The following SUN1 variants were observed in gnomAD, a reference collection of about 807,000 sequenced individuals.
SUN1 encodes SUN domain-containing protein 1.
SUN1 carries 61 observed loss-of-function variants against 103.2 expected under a neutral mutation model. The ratio of observed to expected loss-of-function variants is 0.59; its 90% CI spans 0.48 to 0.73. SUN1 has a LOEUF of 0.73. Among genes scored for constraint, SUN1 ranks in the 30% least tolerant of loss-of-function variants. The pLI is 0.00. For synonymous variants in SUN1, 490 were observed against 425.7 expected (o/e 1.15, Z -1.86); for missense variants, 1,052 against 1,034.6 (o/e 1.02, Z -0.23).
intron 3 of SUN1, chr7:842,414 C>G (rs1342629546): frequency 2.5e-6 from 1 of 400,984 alleles, no homozygotes; most frequent in African/African-American, 2.1e-5. Flanking sequence ...TGACTAGTTC[C>G]AATGGGGAGA....
chr7:840,831 C>T (rs1278221700), intron 2 of SUN1, among the ~76,000 whole-genome samples: 87 of 150,264 alleles, frequency 5.8e-4, no homozygotes, highest in African/African-American at 1.8e-3. Flanking sequence ...TTAGTAGAGG[C>T]GGGGTTTCAC....
At chr7:857,218 C>T (rs1482505502) in intron 12 of SUN1, among the ~76,000 whole-genome samples, 1 of 152,224 alleles carries the variant, frequency 6.6e-6, no homozygotes, top group Non-Finnish European at 1.5e-5. Context: ...CGTCTGCACT[C>T]GGGAGGGTCC....
At chr7:823,640 A>G (rs1788538178) in intron 1 of SUN1, among the ~76,000 whole-genome samples, 1 of 151,974 alleles carries the variant, frequency 6.6e-6, no homozygotes, top group Admixed American at 6.6e-5. Flanking sequence ...CCATGGGGGG[A>G]GTCTGTGCGA....
chr7:853,715 G>A (rs1824354098), intron 10 of SUN1, 97 bp downstream of exon 10: 1 of 1,367,712 alleles, frequency 7.3e-7, no homozygotes, highest in African/African-American at 1.4e-5. Context: ...CAGGAGAGGT[G>A]CCGTTGTGAA....
rs1843029307 is a variant in SUN1, at chr7:873,539, C to T, written c.*208C>T. On this transcript the variant is annotated 3_prime_UTR_variant, in exon 19 of 19. Coordinates refer to ENST00000401592, the MANE Select transcript of SUN1 (RefSeq NM_001130965.3). ...ACTGCCTCTGCAGGTGCAGAGGGGT[C>T]AGCAGCAGGAGAAGCGTGTTGAACA... The T allele has an allele frequency of 3.8e-6, 2 of 529,058 alleles. No individual in the cohort carries two copies. Among genetic ancestry groups the T allele is most frequent in the South Asian group, 5.2e-5 (2 of 38,308 alleles). 32.8% of individuals were successfully genotyped at this position (529,058 alleles called of 1,614,324 possible).
chr7:816,143 C>A, upstream of SUN1: 1 of 270,222 alleles, frequency 3.7e-6, no homozygotes, highest in Non-Finnish European at 6.5e-6. Flanking sequence ...CCCTCCCCAA[C>A]GTAGACCGCG....
intron 5 of SUN1, chr7:850,169 A>G: frequency 1.3e-6 from 1 of 799,474 alleles, no homozygotes; most frequent in Non-Finnish European, 2.0e-6. Context: ...ACTTTGGTTT[A>G]AAACAGGGTG....
At chr7:821,387 C>G (rs564503155) in intron 1 of SUN1, among the ~76,000 whole-genome samples, 1 of 152,200 alleles carries the variant, frequency 6.6e-6, no homozygotes, top group Non-Finnish European at 1.5e-5. Context: ...TCAGGCTGAT[C>G]TTGATCTCTT....
intron 15 of SUN1, among the ~76,000 whole-genome samples, chr7:864,858 A>T (rs1835151693): frequency 6.6e-6 from 1 of 151,934 alleles, no homozygotes; most frequent in Non-Finnish European, 1.5e-5. Flanking sequence ...GGAACTCCTG[A>T]CCTCAGGTGA....
At chr7:833,858 A>C (rs1800282063) in intron 1 of SUN1, among the ~76,000 whole-genome samples, 1 of 152,232 alleles carries the variant, frequency 6.6e-6, no homozygotes, top group African/African-American at 2.4e-5. Context: ...CAGACCGTGC[A>C]GCATGAAACA....
At chr7:867,162 C>T (rs1355672617) in intron 16 of SUN1, among the ~76,000 whole-genome samples, 4 of 152,216 alleles carry the variant, frequency 2.6e-5, no homozygotes, top group Non-Finnish European at 2.9e-5. Context: ...GTCCGGTCAG[C>T]GTGACTGTTT....
At chr7:861,950 C>G (rs1033663404) in intron 15 of SUN1, among the ~76,000 whole-genome samples, 1 of 152,236 alleles carries the variant, frequency 6.6e-6, no homozygotes, top group Admixed American at 6.5e-5. Context: ...TGCAGGGGCA[C>G]AAGCCTAGGC....
intron 1 of SUN1, among the ~76,000 whole-genome samples, chr7:822,755 T>C (rs1787487858): frequency 6.6e-6 from 1 of 152,188 alleles, no homozygotes; most frequent in Non-Finnish European, 1.5e-5. Context: ...TGTTGACAAT[T>C]ACTGTTGGGA....
chr7:831,338 C>A (rs1188997631), upstream of SUN1, among the ~76,000 whole-genome samples: 1 of 149,566 alleles, frequency 6.7e-6, no homozygotes, highest in Non-Finnish European at 1.5e-5. Flanking sequence ...GTGGTACGAT[C>A]TCGGCTCACT....
At chr7:826,015 A>G (rs1791464770) in intron 1 of SUN1, among the ~76,000 whole-genome samples, 1 of 152,082 alleles carries the variant, frequency 6.6e-6, no homozygotes, top group South Asian at 2.1e-4. Context: ...GGCTGAGGAA[A>G]ATCGCTTGAG....
At chr7:835,174 C>A (rs1409227924) in intron 1 of SUN1, among the ~76,000 whole-genome samples, 2 of 152,264 alleles carry the variant, frequency 1.3e-5, no homozygotes, top group African/African-American at 2.4e-5. Context: ...ACTGGCTTCG[C>A]CAGTGATGCA....
At chr7:835,441 A>C (rs1435270657) in intron 1 of SUN1, among the ~76,000 whole-genome samples, 1 of 152,246 alleles carries the variant, frequency 6.6e-6, no homozygotes, top group Non-Finnish European at 1.5e-5. Flanking sequence ...TTCTTAATGT[A>C]TTTAGTCAGT....
Position 873,216 on chromosome 7 carries a change from A to C in SUN1, c.2243A>C (p.Lys748Thr). 6.2e-7 allele frequency: 1 copy of C among 1,614,240 alleles called. No homozygotes were observed. Among genetic ancestry groups the C allele is most frequent in the Non-Finnish European group, 8.5e-7 (1 of 1,180,034 alleles). Residue 748 changes from lysine to threonine, a missense_variant and splice_region_variant, in exon 19 of 19, where the codon AAA becomes ACA. By Grantham distance (78) the Lys-to-Thr change is moderately conservative. Transcript: ENST00000401592. ...GESLQMFQAL[K>T]RPDDTAFQIV... The stretch of plus-strand genomic sequence containing the variant: ...GTGTTTTTCCCACCTTGATTTCAGA[A>C]AAGACCCGACGACACAGCTTTCCAA...
chr7:847,019 A>G (rs1484936168), intron 5 of SUN1, among the ~76,000 whole-genome samples: 2 of 152,244 alleles, frequency 1.3e-5, no homozygotes, highest in Admixed American at 1.3e-4. Flanking sequence ...AAAATTAAAA[A>G]TAAAAATAAT....
Sources: allele counts gnomAD v4.1 joint callset (sites outside exome capture counted in the v4.1 genomes callset), GRCh38; gene constraint gnomAD v4.1.1; transcripts MANE v1.5; gene names NCBI Gene and HGNC (gene_info 2026-07-23, HGNC 2026-07-21).